DOCK1: variants seen among roughly 807,000 people sequenced by gnomAD.
The protein encoded by DOCK1 is dedicator of cytokinesis protein 1.
In DOCK1, 138 loss-of-function variants were observed where a neutral mutation model predicts 262.7. The ratio of observed to expected loss-of-function variants is 0.53; its 90% CI spans 0.46 to 0.61. DOCK1 has a LOEUF of 0.61. DOCK1 is among the 20% of genes least tolerant of loss of function. The pLI is 0.00. For synonymous variants in DOCK1, 866 were observed against 867.4 expected, an observed-to-expected ratio of 1.00 and a Z score of 0.03; for missense variants, 1,908 against 2,370.7, an observed-to-expected ratio of 0.80 and a Z score of 4.05.
At chr10:127,261,412 T>G (rs2060105447) in intron 29 of DOCK1, among the ~76,000 whole-genome samples, 1 of 140,404 alleles carries the variant, frequency 7.1e-6, no homozygotes, top group African/African-American at 2.8e-5. Context: ...CATGTGGGTG[T>G]GTGTGTACCC....
At chr10:127,028,825 G>A (rs1457940329) in intron 16 of DOCK1, among the ~76,000 whole-genome samples, 1 of 152,172 alleles carries the variant, frequency 6.6e-6, no homozygotes, top group African/African-American at 2.4e-5. Context: ...GCACAGGTGT[G>A]TCCTCGACCA....
intron 10 of DOCK1, among the ~76,000 whole-genome samples, chr10:127,002,622 T>A (rs2040674045): frequency 1.3e-5 from 2 of 152,150 alleles, no homozygotes; most frequent in Non-Finnish European, 2.9e-5. Flanking sequence ...TACAGAAGCC[T>A]GGGTTATTCA....
At chr10:126,911,471 C>T (rs780268807) in intron 1 of DOCK1, among the ~76,000 whole-genome samples, 4 of 152,202 alleles carry the variant, frequency 2.6e-5, no homozygotes, top group Admixed American at 6.5e-5. Context: ...CGGGCACATG[C>T]ACCAGTGTGG....
At chr10:127,191,750 G>T (rs751401329) in intron 27 of DOCK1, among the ~76,000 whole-genome samples, 7 of 152,148 alleles carry the variant, frequency 4.6e-5, no homozygotes, top group Non-Finnish European at 8.8e-5. Context: ...TTCCTCAACT[G>T]AACAGCTGTA....
At chr10:127,024,612 T>A in intron 14 of DOCK1, 73 bp from the exon 15 acceptor site, 1 of 1,262,224 alleles carries the variant, frequency 7.9e-7, no homozygotes, top group South Asian at 1.4e-5. Context: ...TCCCCCCACA[T>A]ATATAGTGGG....
At chr10:126,927,961 G>T (rs1420431022) in intron 1 of DOCK1, among the ~76,000 whole-genome samples, 1 of 152,102 alleles carries the variant, frequency 6.6e-6, no homozygotes, top group African/African-American at 2.4e-5. Flanking sequence ...GCAGGTGAGG[G>T]GCACCTACCC....
At chr10:127,079,603 C>T (rs557245179) in intron 23 of DOCK1, among the ~76,000 whole-genome samples, 3 of 152,262 alleles carry the variant, frequency 2.0e-5, no homozygotes, top group Admixed American at 6.5e-5. Flanking sequence ...TTTAATCATT[C>T]TCAGAATTAG....
chr10:127,342,180 T>C (rs2063463864), intron 30 of DOCK1, among the ~76,000 whole-genome samples: 2 of 152,194 alleles, frequency 1.3e-5, no homozygotes, highest in South Asian at 4.1e-4. Context: ...ATGGGTCCTA[T>C]TCTGGCTGAG....
rs2071018290 is a variant in DOCK1, at chr10:127,452,341, G to C, written c.*914G>C. ...ACACACACACACATTTTTTTTTTGA[G>C]AACTCCAAAGTCCTGAAAATTTTGG... On this transcript the variant is annotated 3_prime_UTR_variant, in exon 52 of 52. Transcript: ENST00000623213. 6.6e-6 allele frequency: 1 copy of C among 151,062 alleles called. No individual in the cohort carries two copies. Among genetic ancestry groups the C allele is most frequent in the South Asian group, 2.1e-4 (1 of 4,724 alleles). The allele number at this position is 151,062 out of a possible 1,614,324, so 9.4% of individuals were successfully genotyped here. A position where few individuals can be genotyped will look rare whatever the true frequency, so the allele number is the denominator to read the frequency against.
At chr10:127,031,626 A>C in intron 16 of DOCK1, 24 bp from the exon 17 acceptor site, 1 of 1,571,718 alleles carries the variant, frequency 6.4e-7, no homozygotes, top group South Asian at 1.1e-5. Context: ...GCAATCATCA[A>C]TTTTTTTGTT....
At chr10:127,334,801 T>G (rs1179298470) in intron 29 of DOCK1, among the ~76,000 whole-genome samples, 2 of 152,214 alleles carry the variant, frequency 1.3e-5, no homozygotes, top group African/African-American at 4.8e-5. Flanking sequence ...AATTAATTAA[T>G]TCTCCTGGCT....
intron 29 of DOCK1, among the ~76,000 whole-genome samples, chr10:127,268,128 C>T (rs985356189): frequency 1.3e-5 from 2 of 151,992 alleles, no homozygotes; most frequent in Non-Finnish European, 2.9e-5. Flanking sequence ...AGCCCCCTGC[C>T]GCAAAGAGTC....
chr10:127,396,570 T>G (rs191544755), intron 38 of DOCK1, among the ~76,000 whole-genome samples: 183 of 152,302 alleles, frequency 1.2e-3, no homozygotes, highest in African/African-American at 4.3e-3. Flanking sequence ...GTCCACTCCC[T>G]CACCAGTGGC....
At chr10:127,121,453 A>G (rs201590776) in intron 25 of DOCK1, among the ~76,000 whole-genome samples, 12 of 25,736 alleles carry the variant, frequency 4.7e-4, no homozygotes, top group East Asian at 2.9e-3. Flanking sequence ...GGGTATATGT[A>G]TATGTGTGTG....
At chr10:127,256,491 G>C (rs954665740) in intron 28 of DOCK1, among the ~76,000 whole-genome samples, 16 of 152,142 alleles carry the variant, frequency 1.1e-4, no homozygotes, top group Admixed American at 9.2e-4. Context: ...CTTGAGTGTT[G>C]AGTGAGCTTG....
At chr10:126,975,051 G>T (rs1390403037) in intron 2 of DOCK1, among the ~76,000 whole-genome samples, 1 of 151,924 alleles carries the variant, frequency 6.6e-6, no homozygotes, top group East Asian at 1.9e-4. Flanking sequence ...GTGGCCTCTC[G>T]TTTGCCTGTG....
intron 22 of DOCK1, among the ~76,000 whole-genome samples, chr10:127,053,799 C>T (rs1278183092): frequency 1.3e-5 from 2 of 152,170 alleles, no homozygotes; most frequent in African/African-American, 4.8e-5. Flanking sequence ...AGTTGGCCCA[C>T]GCCTCTTCAC....
At chr10:127,450,832 C>A (rs1426749536) in intron 51 of DOCK1, among the ~76,000 whole-genome samples, 1 of 152,196 alleles carries the variant, frequency 6.6e-6, no homozygotes, top group Non-Finnish European at 1.5e-5. Flanking sequence ...TCAATGACCG[C>A]TTTTCGGCCA....
intron 29 of DOCK1, among the ~76,000 whole-genome samples, chr10:127,274,018 T>C (rs942076454): frequency 6.6e-6 from 1 of 152,226 alleles, no homozygotes; most frequent in Non-Finnish European, 1.5e-5. Context: ...GTGTTTCTTA[T>C]GAGATACGCT....
Sources: gnomAD v4.1 joint callset for allele counts (sites outside exome capture counted in the v4.1 genomes callset) on GRCh38, gnomAD v4.1.1 for gene constraint, MANE v1.5 for transcripts, NCBI Gene and HGNC (gene_info 2026-07-23, HGNC 2026-07-21) for gene names.